Variants in SAXO1 observed in about 807,000 individuals in gnomAD.
SAXO1 encodes stabilizer of axonemal microtubules 1.
Under a neutral mutation model 17.5 loss-of-function variants are expected in SAXO1, and 21 were observed. The observed-to-expected ratio is 1.20, with a 90% CI of 0.85 to 1.72. SAXO1 has a LOEUF of 1.72. Ranked by LOEUF, SAXO1 falls within the 40% of genes most tolerant of loss-of-function variation. SAXO1 has a pLI of 0.00. For synonymous variants in SAXO1, 274 were observed against 216.5 expected, an observed-to-expected ratio of 1.27 and a Z score of -2.33; for missense variants, 843 against 596.0, an observed-to-expected ratio of 1.41 and a Z score of -4.32.
intron 1 of SAXO1, among the ~76,000 whole-genome samples, chr9:18,953,116 A>G (rs1832106490): frequency 6.6e-6 from 1 of 152,228 alleles, no homozygotes; most frequent in Non-Finnish European, 1.5e-5. Flanking sequence ...ATCGAAAGCC[A>G]AGAAGCACTG....
intron 1 of SAXO1, among the ~76,000 whole-genome samples, chr9:18,990,048 C>T (rs899541695): frequency 6.6e-6 from 1 of 152,144 alleles, no homozygotes; most frequent in Non-Finnish European, 1.5e-5. Flanking sequence ...GGAGAGAGAA[C>T]AGATGTTCCA....
intron 1 of SAXO1, among the ~76,000 whole-genome samples, chr9:19,040,644 C>CA (rs925940219): frequency 6.8e-6 from 1 of 146,002 alleles, no homozygotes; most frequent in Non-Finnish European, 1.5e-5. Context: ...ATTCTTTCTC[C>CA]AAAAAAAGAA....
At chr9:18,935,496 G>A (rs1831246054) in intron 3 of SAXO1, among the ~76,000 whole-genome samples, 1 of 152,180 alleles carries the variant, frequency 6.6e-6, no homozygotes, top group Non-Finnish European at 1.5e-5. Flanking sequence ...CCTTGAGCCT[G>A]CATGTAGCCT....
At chr9:18,981,414 A>G (rs1021457011) in intron 1 of SAXO1, among the ~76,000 whole-genome samples, 1 of 152,176 alleles carries the variant, frequency 6.6e-6, no homozygotes, top group East Asian at 1.9e-4. Flanking sequence ...AGCAAACACT[A>G]GAACTCAGGC....
intron 1 of SAXO1, among the ~76,000 whole-genome samples, chr9:19,018,333 C>A (rs1835079656): frequency 6.6e-6 from 1 of 152,118 alleles, no homozygotes; most frequent in African/African-American, 2.4e-5. Context: ...GGAAGAGAAA[C>A]AGGAAGTCTT....
intron 1 of SAXO1, among the ~76,000 whole-genome samples, chr9:19,042,209 C>T (rs1836094790): frequency 6.6e-6 from 1 of 152,112 alleles, no homozygotes; most frequent in Non-Finnish European, 1.5e-5. Context: ...AATCATGGAT[C>T]ATCAGAGAAA....
chr9:18,959,094 G>C (rs1216459705), intron 1 of SAXO1, among the ~76,000 whole-genome samples: 2 of 152,168 alleles, frequency 1.3e-5, no homozygotes, highest in African/African-American at 2.4e-5. Context: ...CTTTAGTAGA[G>C]CCGCTGGGGT....
chr9:19,010,651 G>C (rs1420997442), intron 1 of SAXO1, among the ~76,000 whole-genome samples: 1 of 152,066 alleles, frequency 6.6e-6, no homozygotes, highest in Non-Finnish European at 1.5e-5. Context: ...TATTTGGCTA[G>C]CTGACTCTCC....
chr9:18,979,013 G>A (rs932889498), intron 1 of SAXO1, among the ~76,000 whole-genome samples: 1 of 152,158 alleles, frequency 6.6e-6, no homozygotes, highest in Admixed American at 6.5e-5. Context: ...AAATGGGATA[G>A]CATCAAATTT....
At chr9:19,042,014 G>A (rs184859204) in intron 1 of SAXO1, among the ~76,000 whole-genome samples, 8 of 152,194 alleles carry the variant, frequency 5.3e-5, no homozygotes, top group Admixed American at 2.0e-4. Context: ...ACAACCCACC[G>A]AATGGGAGAT....
At chr9:19,018,806 A>T (rs984020380) in intron 1 of SAXO1, among the ~76,000 whole-genome samples, 2 of 152,226 alleles carry the variant, frequency 1.3e-5, no homozygotes, top group African/African-American at 4.8e-5. Flanking sequence ...TGTTAAATAT[A>T]GCTGCCTTAA....
At chr9:19,010,149 AAACAACAAC>A (rs71494993) in intron 1 of SAXO1, among the ~76,000 whole-genome samples, 75,147 of 151,028 alleles carry the variant, frequency 0.5, 19,150 homozygotes, top group Non-Finnish European at 0.57. Flanking sequence ...ATCTAAAAAA[AAACAACAAC>A]AACAACAAAA....
At chr9:19,016,800 T>G (rs1359512541) in intron 1 of SAXO1, among the ~76,000 whole-genome samples, 1 of 111,418 alleles carries the variant, frequency 9.0e-6, no homozygotes, top group Admixed American at 9.4e-5. Context: ...ACATCTGACT[T>G]TTTTTTTTTT....
chr9:19,000,526 G>A (rs1488229846), intron 1 of SAXO1, among the ~76,000 whole-genome samples: 1 of 149,296 alleles, frequency 6.7e-6, no homozygotes, highest in Non-Finnish European at 1.5e-5. Flanking sequence ...CCTCTGCACA[G>A]CTGCCCCCCT....
At chr9:19,007,056 TAAAAAA>T (rs1052108318) in intron 1 of SAXO1, among the ~76,000 whole-genome samples, 2 of 134,374 alleles carry the variant, frequency 1.5e-5, no homozygotes, top group African/African-American at 5.7e-5. Context: ...AAAATAAAAA[TAAAAAA>T]AATAGACCAG....
In SAXO1 at chr9:18,928,910, T is replaced by C; in HGVS notation, c.567A>G (p.Lys189=). ...IKGLVKTISC[K]PLAMPKLCNI... ...TACAGAGCTTTGGCATGGCCAGAGG[T>C]TTACAGCTTATGGTCTTCACAAGGC... The change falls in exon 4 of 4, where the codon AAA becomes AAG. Residue 189 remains lysine (K), a synonymous_variant. Coordinates refer to ENST00000380534, the MANE Select transcript of SAXO1 (RefSeq NM_153707.4). 1.2e-6 allele frequency: 2 copies of C among 1,614,066 alleles called. No homozygotes were observed. Among genetic ancestry groups the C allele is most frequent in the Non-Finnish European group, 1.7e-6 (2 of 1,180,014 alleles).
At chr9:19,043,687 G>C (rs1836133623) in intron 1 of SAXO1, among the ~76,000 whole-genome samples, 1 of 151,954 alleles carries the variant, frequency 6.6e-6, no homozygotes, top group South Asian at 2.1e-4. Flanking sequence ...AGGATTGCTT[G>C]AGCCCAGGAG....
chr9:18,936,421 G>A (rs188193368), intron 3 of SAXO1, among the ~76,000 whole-genome samples: 6 of 152,118 alleles, frequency 3.9e-5, no homozygotes, highest in South Asian at 2.1e-4. Context: ...AGATGCCTAC[G>A]CACTCCCTCA....
chr9:18,953,402 G>C (rs907357356), intron 1 of SAXO1, among the ~76,000 whole-genome samples: 1 of 152,138 alleles, frequency 6.6e-6, no homozygotes, highest in Non-Finnish European at 1.5e-5. Context: ...ACTGCAATAT[G>C]ATTGGCATCA....
Sources: gnomAD v4.1 joint callset for allele counts (sites outside exome capture counted in the v4.1 genomes callset) on GRCh38, gnomAD v4.1.1 for gene constraint, MANE v1.5 for transcripts, NCBI Gene and HGNC (gene_info 2026-07-23, HGNC 2026-07-21) for gene names.